The following NCAM1 variants were observed in gnomAD, a reference collection of about 807,000 sequenced individuals.
NCAM1 encodes neural cell adhesion molecule 1.
In NCAM1, 14 loss-of-function variants were observed where a neutral mutation model predicts 109.8. That is an observed-to-expected ratio of 0.13 (90% CI 0.08 to 0.20). NCAM1 has a LOEUF of 0.20. NCAM1 is among the 10% of genes least tolerant of loss of function. The probability of loss-of-function intolerance (pLI) is 1.00; values close to 1 mark genes in which losing one functional copy is unlikely to be tolerated. For missense variants in NCAM1, 774 were observed against 1,109.9 expected, an observed-to-expected ratio of 0.70 and a Z score of 4.30; for synonymous variants, 418 against 442.9, an observed-to-expected ratio of 0.94 and a Z score of 0.70.
At chr11:113,221,350 A>G (rs1555115280) in intron 9 of NCAM1, 25 bp downstream of exon 9, 5 of 1,565,016 alleles carry the variant, frequency 3.2e-6, no homozygotes, top group Middle Eastern at 1.7e-4. Flanking sequence ...ACCACTAGCC[A>G]GTCTTTAGTT....
At chr11:113,118,063 G>A (rs1940787264) in intron 1 of NCAM1, among the ~76,000 whole-genome samples, 1 of 151,924 alleles carries the variant, frequency 6.6e-6, no homozygotes, top group South Asian at 2.1e-4. Flanking sequence ...GGATCAGGAG[G>A]TTACCATGAT....
Position 113,277,099 on chromosome 11 carries a change from T to C in NCAM1, c.*1712T>C, listed in dbSNP as rs934770252. 3 of 375,978 alleles carry C rather than the reference T, an allele frequency of 8.0e-6. No homozygotes were observed. The highest frequency in any genetic ancestry group is 1.4e-5 in the Non-Finnish European group (3 of 212,242). 23.3% of individuals were successfully genotyped at this position (375,978 alleles called of 1,614,324 possible). ...AACAAAGAAAATGAAATACAGATGATGATGATGATGATGAAGATGATGCTA... is the reference window on the plus strand; with the variant it reads ...AACAAAGAAAATGAAATACAGATGACGATGATGATGATGAAGATGATGCTA... On this transcript the variant is annotated 3_prime_UTR_variant, in exon 20 of 20. Coordinates refer to ENST00000316851, the MANE Select transcript of NCAM1 (RefSeq NM_181351.5).
chr11:113,133,894 T>TC (rs1941501311), intron 1 of NCAM1: 1 of 152,164 alleles, frequency 6.6e-6, no homozygotes, highest in African/African-American at 2.4e-5. Context: ...GCCATTTAGG[T>TC]TCTTTGCCAA....
intron 1 of NCAM1, among the ~76,000 whole-genome samples, chr11:113,034,117 A>C (rs1952794545): frequency 6.6e-6 from 1 of 152,150 alleles, no homozygotes; most frequent in African/African-American, 2.4e-5. Flanking sequence ...TTAACCTCAA[A>C]TCTAGTCGTG....
chr11:113,209,224 C>T (rs1225419839), intron 7 of NCAM1, among the ~76,000 whole-genome samples: 1 of 152,142 alleles, frequency 6.6e-6, no homozygotes, highest in Non-Finnish European at 1.5e-5. Flanking sequence ...AGGGTTGGGA[C>T]CTGCTTATCC....
intron 1 of NCAM1, among the ~76,000 whole-genome samples, chr11:113,190,747 T>C (rs1219379965): frequency 1.3e-5 from 2 of 152,198 alleles, no homozygotes; most frequent in African/African-American, 4.8e-5. Flanking sequence ...TTTGTATAAC[T>C]TAGTTTATGT....
chr11:113,099,527 G>C (rs538135389), intron 1 of NCAM1, among the ~76,000 whole-genome samples: 1 of 152,238 alleles, frequency 6.6e-6, no homozygotes, highest in South Asian at 2.1e-4. Flanking sequence ...AGAGGAATGT[G>C]CGTTAACAAC....
At chr11:113,240,295 T>C (rs1370224249) in intron 14 of NCAM1, among the ~76,000 whole-genome samples, 1 of 152,248 alleles carries the variant, frequency 6.6e-6, no homozygotes, top group Non-Finnish European at 1.5e-5. Flanking sequence ...ATTCAGATGT[T>C]GAAATGAGTG....
intron 1 of NCAM1, among the ~76,000 whole-genome samples, chr11:113,173,327 T>G (rs1431118530): frequency 2.0e-5 from 3 of 151,972 alleles, no homozygotes; most frequent in Non-Finnish European, 1.5e-5. Context: ...TTTATAGATA[T>G]GTTAAGAATC....
intron 1 of NCAM1, among the ~76,000 whole-genome samples, chr11:112,972,807 G>A (rs1002416096): frequency 1.1e-4 from 17 of 152,160 alleles, no homozygotes; most frequent in African/African-American, 3.9e-4. Flanking sequence ...TTTATTTAGA[G>A]TCAAAGACTG....
At chr11:113,076,144 C>T (rs541762163) in intron 1 of NCAM1, among the ~76,000 whole-genome samples, 167 of 146,922 alleles carry the variant, frequency 1.1e-3, no homozygotes, top group Non-Finnish European at 1.7e-3. Context: ...ACTCGGGCAG[C>T]GTCACCAAAC....
intron 1 of NCAM1, among the ~76,000 whole-genome samples, chr11:113,001,777 A>T (rs80325489): frequency 0.034 from 5,248 of 152,168 alleles, 427 homozygotes; most frequent in East Asian, 0.14. Context: ...CATAAACATA[A>T]CTCAGACTTT....
chr11:113,231,495 G>A (rs1004772062), intron 9 of NCAM1, 150 bp from the exon 10 acceptor site: 153 of 932,666 alleles, frequency 1.6e-4, no homozygotes, highest in Non-Finnish European at 2.1e-4. Context: ...CCTAAAGTAA[G>A]AAAGCCATTG....
intron 1 of NCAM1, among the ~76,000 whole-genome samples, chr11:113,059,677 G>A (rs555806848): frequency 3.9e-5 from 6 of 152,202 alleles, no homozygotes; most frequent in Admixed American, 6.5e-5. Flanking sequence ...AACCAGCACC[G>A]CATCACTTCA....
At position 113,214,458 on chromosome 11, in the gene NCAM1, A is replaced by G. The variant is rs1555114093; in HGVS notation, c.1006A>G (p.Ile336Val). The change falls in exon 8 of 20, where the codon ATT becomes GTT. Residue 336 changes from isoleucine to valine, a missense_variant. This residue lies in a region of NCAM1 where 523 missense variants were observed against 784.2 expected (regional missense o/e 0.67). Coordinates refer to ENST00000316851, the MANE Select transcript of NCAM1 (RefSeq NM_181351.5). Reference sequence around the variant, plus strand: ...TACCTGTGAAGCCTCCGGAGACCCCATTCCCTCCATCACCTGGAGGACTTC... The same window carrying G: ...TACCTGTGAAGCCTCCGGAGACCCCGTTCCCTCCATCACCTGGAGGACTTC... ...TLTCEASGDP[I>V]PSITWRTSTR... 1.2e-6 allele frequency: 2 copies of G among 1,613,096 alleles called. No individual in the cohort carries two copies. Among genetic ancestry groups the G allele is most frequent in the Non-Finnish European group, 1.7e-6 (2 of 1,179,468 alleles).
chr11:112,992,998 A>G (rs1451286730), intron 1 of NCAM1, among the ~76,000 whole-genome samples: 2 of 152,180 alleles, frequency 1.3e-5, no homozygotes, highest in African/African-American at 4.8e-5. Context: ...CTACTTCACT[A>G]AATTTTCATT....
At chr11:113,079,384 C>A (rs1211207530) in intron 1 of NCAM1, among the ~76,000 whole-genome samples, 1 of 152,144 alleles carries the variant, frequency 6.6e-6, no homozygotes, top group Non-Finnish European at 1.5e-5. Context: ...CCCGCAGTGA[C>A]CCCAGCACCT....
At chr11:113,050,457 A>G (rs1357634377) in intron 1 of NCAM1, among the ~76,000 whole-genome samples, 1 of 152,156 alleles carries the variant, frequency 6.6e-6, no homozygotes, top group African/African-American at 2.4e-5. Flanking sequence ...TTCAAAAAGT[A>G]TAATGAACTT....
chr11:113,260,056 G>A (rs1030939831), intron 16 of NCAM1, 90 bp from the exon 17 acceptor site: 14 of 1,194,916 alleles, frequency 1.2e-5, no homozygotes, highest in South Asian at 1.6e-5. Context: ...ATTGAGTCCC[G>A]TAAGTTTTGC....
Sources: gnomAD v4.1 joint callset for allele counts (sites outside exome capture counted in the v4.1 genomes callset) on GRCh38, gnomAD v4.1.1 for gene constraint, gnomAD v4.1.1 regional missense constraint, MANE v1.5 for transcripts, NCBI Gene and HGNC (gene_info 2026-07-23, HGNC 2026-07-21) for gene names.